The following CSMD1 variants were observed in gnomAD, a reference collection of about 807,000 sequenced individuals.
CSMD1 encodes CUB and Sushi multiple domains 1.
A neutral mutation model predicts 417.5 loss-of-function variants in CSMD1; 213 were observed. The ratio of observed to expected loss-of-function variants is 0.51; its 90% confidence interval spans 0.46 to 0.57. The LOEUF (loss-of-function observed/expected upper bound fraction) is 0.57, where lower values mean the gene tolerates loss of function less well. Among genes scored for constraint, CSMD1 ranks in the 20% least tolerant of loss-of-function variants. CSMD1 has a pLI of 0.00. For missense variants in CSMD1, 6,923 were observed against 4,529.7 expected (o/e 1.53, Z -15.17); for synonymous variants, 2,862 against 1,736.8 (o/e 1.65, Z -16.11).
intron 1 of CSMD1, among the ~76,000 whole-genome samples, chr8:4,917,141 G>C (rs957583077): frequency 6.6e-6 from 1 of 152,210 alleles, no homozygotes; most frequent in Non-Finnish European, 1.5e-5. Flanking sequence ...GAAAGGGAAA[G>C]TTGGCATGTC....
chr8:3,042,959 G>T (rs1278183771), intron 50 of CSMD1, among the ~76,000 whole-genome samples: 1 of 151,418 alleles, frequency 6.6e-6, no homozygotes, highest in East Asian at 2.0e-4. Context: ...TACATATAGT[G>T]ATATATACAG....
intron 7 of CSMD1, among the ~76,000 whole-genome samples, chr8:3,618,411 T>C (rs912148261): frequency 6.6e-5 from 10 of 152,222 alleles, no homozygotes; most frequent in African/African-American, 2.4e-4. Flanking sequence ...TAGTAAGTAC[T>C]TCACTATTCC....
intron 3 of CSMD1, among the ~76,000 whole-genome samples, chr8:4,224,512 C>T (rs1049488123): frequency 6.6e-6 from 1 of 152,144 alleles, no homozygotes; most frequent in Non-Finnish European, 1.5e-5. Flanking sequence ...CTACTAAATG[C>T]CCTCTTCGCC....
At chr8:3,732,830 G>A (rs899396413) in intron 6 of CSMD1, among the ~76,000 whole-genome samples, 2 of 152,148 alleles carry the variant, frequency 1.3e-5, no homozygotes, top group African/African-American at 2.4e-5. Context: ...GGTATTTATC[G>A]AGTGATTCAA....
intron 3 of CSMD1, among the ~76,000 whole-genome samples, chr8:4,065,269 C>A (rs905137649): frequency 2.0e-5 from 3 of 152,206 alleles, no homozygotes; most frequent in African/African-American, 7.2e-5. Flanking sequence ...GAACCACTGA[C>A]TCTGTTGGGC....
chr8:3,443,958 G>T (rs1815150095), intron 12 of CSMD1, among the ~76,000 whole-genome samples: 1 of 152,152 alleles, frequency 6.6e-6, no homozygotes, highest in African/African-American at 2.4e-5. Context: ...TGAGAGCGGG[G>T]ACACTGGGTG....
chr8:4,941,369 T>A (rs1011310951), intron 1 of CSMD1, among the ~76,000 whole-genome samples: 38 of 152,172 alleles, frequency 2.5e-4, no homozygotes, highest in Non-Finnish European at 5.3e-4. Flanking sequence ...ATATTCAAAA[T>A]AAAAATATTA....
intron 1 of CSMD1, among the ~76,000 whole-genome samples, chr8:4,804,152 T>A (rs1282123664): frequency 1.3e-5 from 2 of 152,130 alleles, no homozygotes; most frequent in Non-Finnish European, 2.9e-5. Context: ...CAAAACTAGA[T>A]GCCCTTGTAT....
At position 3,908,715 on chromosome 8, in the gene CSMD1, C is replaced by A. The variant is rs188051022; in HGVS notation, c.818+89188G>T. Among the ~76,000 whole-genome samples the A allele has an allele frequency of 1.6e-3, 244 of 152,250 alleles. 1 individual carries two copies. The highest frequency in any genetic ancestry group is 5.5e-3 in the African/African-American group (230 of 41,534). ...GTGAAGCAATCGCTTAATAGCAGGCCAGAGGTCTCAAAGATATTATTAATA... is the reference window on the plus strand; with the variant it reads ...GTGAAGCAATCGCTTAATAGCAGGCAAGAGGTCTCAAAGATATTATTAATA... On this transcript the variant is annotated intron_variant, in intron 5 of 69. Coordinates refer to ENST00000635120, the MANE Select transcript of CSMD1 (RefSeq NM_033225.6).
At chr8:2,956,254 G>C (rs1166691673) in intron 63 of CSMD1, among the ~76,000 whole-genome samples, 2 of 151,714 alleles carry the variant, frequency 1.3e-5, no homozygotes, top group African/African-American at 4.8e-5. Context: ...TAATTATTTT[G>C]ATAAAACTTT....
At chr8:4,732,879 T>C (rs904551670) in intron 1 of CSMD1, among the ~76,000 whole-genome samples, 5 of 152,152 alleles carry the variant, frequency 3.3e-5, no homozygotes, top group Admixed American at 6.5e-5. Context: ...CAAGCATTTA[T>C]ATGGGCCCTA....
chr8:4,324,601 G>A (rs183771925), intron 3 of CSMD1, among the ~76,000 whole-genome samples: 3 of 152,180 alleles, frequency 2.0e-5, no homozygotes, highest in Non-Finnish European at 2.9e-5. Flanking sequence ...GAACAAGACA[G>A]GTCAGTGGCC....
chr8:4,940,067 G>C (rs151047234), intron 1 of CSMD1, among the ~76,000 whole-genome samples: 15 of 152,282 alleles, frequency 9.9e-5, no homozygotes, highest in African/African-American at 2.9e-4. Context: ...TGAGGTAGGA[G>C]AACCGGGCAG....
chr8:3,574,416 C>T (rs1334068470), intron 10 of CSMD1, among the ~76,000 whole-genome samples: 3 of 151,912 alleles, frequency 2.0e-5, no homozygotes, highest in Non-Finnish European at 4.4e-5. Context: ...AATTTTTGTT[C>T]GTATTTTTTA....
In CSMD1 at chr8:3,893,346, T is replaced by TATATATATATATATATATATATATAG. The variant is rs1297155218; in HGVS notation, c.818+104556_818+104557insCTATATATATATATATATATATATAT. ...CTAATAATATTCACAATTTTATATA[T>TATATATATATATATATATATATATAG]ATATATATATATATATTATTTTTTT... On this transcript the variant is annotated intron_variant, in intron 5 of 69. Coordinates refer to ENST00000635120, the MANE Select transcript of CSMD1 (RefSeq NM_033225.6). 2.3e-5 allele frequency among the ~76,000 whole-genome samples: 3 copies of TATATATATATATATATATATATATAG among 128,038 alleles called. No homozygotes were observed. In the East Asian group the frequency reaches 6.9e-4, roughly 29 times the overall value. The allele number at this position is 128,038 out of a possible 152,430, so 84.0% of individuals were successfully genotyped here.
chr8:4,147,895 C>G (rs1035863863), intron 3 of CSMD1, among the ~76,000 whole-genome samples: 1 of 152,100 alleles, frequency 6.6e-6, no homozygotes, highest in Non-Finnish European at 1.5e-5. Context: ...GCATGTGATT[C>G]TTCTCAAAGC....
At chr8:3,184,809 C>A (rs1821643891) in intron 36 of CSMD1, among the ~76,000 whole-genome samples, 1 of 152,166 alleles carries the variant, frequency 6.6e-6, no homozygotes. Context: ...TGACTCCTTA[C>A]TTCACATAAG....
chr8:4,717,274 A>G (rs937861210), intron 1 of CSMD1, among the ~76,000 whole-genome samples: 9 of 148,184 alleles, frequency 6.1e-5, no homozygotes, highest in Non-Finnish European at 1.2e-4. Flanking sequence ...GCCTCAAAGA[A>G]GCATCTCTGA....
At chr8:3,706,280 G>C (rs1368950676) in intron 7 of CSMD1, among the ~76,000 whole-genome samples, 2 of 152,204 alleles carry the variant, frequency 1.3e-5, no homozygotes, top group Non-Finnish European at 2.9e-5. Flanking sequence ...TGTAAGCGAT[G>C]ACATTTGAAC....
Sources: allele counts gnomAD v4.1 joint callset (sites outside exome capture counted in the v4.1 genomes callset), GRCh38; gene constraint gnomAD v4.1.1; transcripts MANE v1.5; gene names NCBI Gene and HGNC (gene_info 2026-07-23, HGNC 2026-07-21).